DENND5B: variants seen among roughly 807,000 people sequenced by gnomAD.
DENND5B encodes the protein DENN domain-containing protein 5B.
A neutral mutation model predicts 140.6 loss-of-function variants in DENND5B; 34 were observed. That is an observed-to-expected ratio of 0.24 (90% CI 0.18 to 0.32). DENND5B has a LOEUF of 0.32. Among genes scored for constraint, DENND5B ranks in the 10% least tolerant of loss-of-function variants. DENND5B has a pLI of 1.00. For synonymous variants in DENND5B, 551 were observed against 562.1 expected (o/e 0.98, Z 0.28); for missense variants, 1,142 against 1,560.2 (o/e 0.73, Z 4.52).
chr12:31,470,674 C>CT (rs1945517809), intron 3 of DENND5B, among the ~76,000 whole-genome samples: 1 of 152,216 alleles, frequency 6.6e-6, no homozygotes, highest in Non-Finnish European at 1.5e-5. Context: ...AGAATGAACT[C>CT]TTAAACCTGT....
rs527979272 is a variant in DENND5B, at chr12:31,527,239, C to T, written c.128-31320G>A. ...TTAGGCAGACATGAAGGAGGTGAGA[C>T]AGTGAGCCAAAAGATCCTTGGGGGG... is the stretch of plus-strand genomic sequence containing the variant. On this transcript the variant is annotated intron_variant, in intron 1 of 20. Coordinates refer to ENST00000389082, the MANE Select transcript of DENND5B (RefSeq NM_144973.4). Among the ~76,000 whole-genome samples, 4 of 152,192 alleles carry T rather than the reference C, an allele frequency of 2.6e-5. No homozygotes were observed. In the South Asian group the frequency reaches 8.3e-4, roughly 32 times the overall value.
chr12:31,432,382 G>T (rs1199521408), intron 8 of DENND5B: 2 of 152,162 alleles, frequency 1.3e-5, no homozygotes, highest in Non-Finnish European at 2.9e-5. Context: ...AGATGTTTGG[G>T]ATGATGTTTT....
intron 1 of DENND5B, among the ~76,000 whole-genome samples, chr12:31,502,758 C>A (rs943695057): frequency 2.6e-5 from 4 of 152,172 alleles, no homozygotes; most frequent in Admixed American, 2.0e-4. Context: ...ACTGTGAGAA[C>A]TGAATATCCC....
intron 2 of DENND5B, among the ~76,000 whole-genome samples, chr12:31,488,146 TTG>T (rs1171303386): frequency 1.1e-3 from 169 of 151,382 alleles, no homozygotes; most frequent in Admixed American, 2.1e-3. Flanking sequence ...TTTTTTTTTT[TTG>T]TACTTTTAGT....
rs77866739 is a variant in DENND5B, at chr12:31,464,409, A to G, written c.905-4028T>C. ...CACTTCTTATTATCACCAGAGTACT[A>G]TCTACATGCTTCAACAGTACCCTAT... On this transcript the variant is annotated intron_variant, in intron 3 of 20. Coordinates refer to ENST00000389082, the MANE Select transcript of DENND5B (RefSeq NM_144973.4). Among the ~76,000 whole-genome samples the G allele has an allele frequency of 5.5e-3, 838 of 152,288 alleles. 10 individuals are homozygous for G. Among genetic ancestry groups the G allele is most frequent in the African/African-American group, 0.019 (803 of 41,570 alleles).
intron 4 of DENND5B, among the ~76,000 whole-genome samples, chr12:31,454,529 T>A (rs1404978776): frequency 1.3e-5 from 2 of 152,058 alleles, no homozygotes; most frequent in African/African-American, 2.4e-5. Flanking sequence ...CTGCAAACTC[T>A]GCCTCCTGGG....
At chr12:31,438,179 C>T (rs924260875) in intron 7 of DENND5B, among the ~76,000 whole-genome samples, 9 of 152,138 alleles carry the variant, frequency 5.9e-5, no homozygotes, top group Admixed American at 1.3e-4. Context: ...TCCACCATCT[C>T]GGCCAGGCTG....
intron 7 of DENND5B, among the ~76,000 whole-genome samples, chr12:31,438,045 G>T (rs1159830407): frequency 1.3e-5 from 2 of 152,156 alleles, no homozygotes; most frequent in Admixed American, 6.5e-5. Flanking sequence ...GCAGTGGCTT[G>T]ATCTCAGCTC....
At chr12:31,584,997 G>A (rs1950347703) in intron 1 of DENND5B, among the ~76,000 whole-genome samples, 2 of 152,154 alleles carry the variant, frequency 1.3e-5, no homozygotes, top group Non-Finnish European at 2.9e-5. Context: ...AGAGAGGAAC[G>A]AAGAGGGTAG....
At chr12:31,450,323 A>C (rs1210763785) in intron 5 of DENND5B, among the ~76,000 whole-genome samples, 1 of 151,842 alleles carries the variant, frequency 6.6e-6, no homozygotes, top group African/African-American at 2.4e-5. Context: ...ATACAATATC[A>C]TCCTCCAACA....
At chr12:31,387,888 G>C (rs1196485082) in intron 20 of DENND5B, 102 bp from the exon 21 acceptor site, 1 of 1,170,708 alleles carries the variant, frequency 8.5e-7, no homozygotes, top group Non-Finnish European at 1.2e-6. Flanking sequence ...GGACTTGATG[G>C]TACAAAATGT....
chr12:31,576,156 A>AAGAAG (rs1555176283), intron 1 of DENND5B, among the ~76,000 whole-genome samples: 4 of 131,184 alleles, frequency 3.0e-5, no homozygotes, highest in African/African-American at 1.2e-4. Flanking sequence ...AAAAAAAAAA[A>AAGAAG]AAGAAGAATG....
In DENND5B at chr12:31,413,571, A is replaced by C. The variant is rs757870880; in HGVS notation, c.2553-7T>G. 5.6e-6 allele frequency: 9 copies of C among 1,607,040 alleles called. No individual in the cohort carries two copies. The highest frequency in any genetic ancestry group is 7.7e-6 in the Non-Finnish European group (9 of 1,175,644). On this transcript the variant is annotated splice_region_variant and splice_polypyrimidine_tract_variant and intron_variant, in intron 12 of 20. Transcript: ENST00000389082. ...ACTCATGTTTTGAATATGCCTAAAG[A>C]ATAGTGGCAACAGCAAAGATGTAGA... is the stretch of plus-strand genomic sequence containing the variant.
At chr12:31,553,505 G>A (rs927561165) in intron 1 of DENND5B, among the ~76,000 whole-genome samples, 2 of 152,130 alleles carry the variant, frequency 1.3e-5, no homozygotes, top group Non-Finnish European at 2.9e-5. Context: ...TTTTGGAGTA[G>A]GTGTGGTGTG....
intron 2 of DENND5B, among the ~76,000 whole-genome samples, chr12:31,487,437 C>T (rs1946350764): frequency 6.6e-6 from 1 of 152,150 alleles, no homozygotes; most frequent in African/African-American, 2.4e-5. Context: ...GTGGCTCACA[C>T]CCATAATCCC....
intron 6 of DENND5B, among the ~76,000 whole-genome samples, chr12:31,446,012 GA>G (rs140419035): frequency 0.21 from 27,796 of 133,612 alleles, 2,828 homozygotes; most frequent in Non-Finnish European, 0.27. Context: ...TGTCTCAAAA[GA>G]AAAAAAAAAA....
chr12:31,503,567 A>C (rs927811456), intron 1 of DENND5B, among the ~76,000 whole-genome samples: 1 of 152,192 alleles, frequency 6.6e-6, no homozygotes, highest in Non-Finnish European at 1.5e-5. Context: ...AACAATTGAC[A>C]CTGAAAATCA....
At chr12:31,563,366 C>T (rs1949536272) in intron 1 of DENND5B, among the ~76,000 whole-genome samples, 1 of 152,158 alleles carries the variant, frequency 6.6e-6, no homozygotes, top group Non-Finnish European at 1.5e-5. Flanking sequence ...AAAATCTCAG[C>T]ATTTTTTAAT....
At chr12:31,486,053 C>T (rs1487966302) in intron 2 of DENND5B, among the ~76,000 whole-genome samples, 1 of 152,230 alleles carries the variant, frequency 6.6e-6, no homozygotes, top group African/African-American at 2.4e-5. Flanking sequence ...TGCTTTAAAT[C>T]AAGGGTCAGC....
Sources: allele counts gnomAD v4.1 joint callset (sites outside exome capture counted in the v4.1 genomes callset), GRCh38; gene constraint gnomAD v4.1.1; transcripts MANE v1.5; gene names NCBI Gene and HGNC (gene_info 2026-07-23, HGNC 2026-07-21).